Variants in CNTN5 observed in about 807,000 individuals in gnomAD.
The protein encoded by CNTN5 is contactin 5.
CNTN5 carries 77 observed loss-of-function variants against 129.1 expected under a neutral mutation model. The ratio of observed to expected loss-of-function variants is 0.60; its 90% CI spans 0.50 to 0.72. The LOEUF is 0.72. Among genes scored for constraint, CNTN5 ranks in the 30% least tolerant of loss-of-function variants. The probability of loss-of-function intolerance (pLI) is 0.00; values close to 1 mark genes in which losing one functional copy is unlikely to be tolerated. For missense variants in CNTN5, 1,478 were observed against 1,328.8 expected (o/e 1.11, Z -1.75); for synonymous variants, 509 against 465.6 (o/e 1.09, Z -1.20).
In CNTN5 at chr11:99,507,540, G is replaced by A. The variant is rs1946673684; in HGVS notation, c.-70-48605G>A. On this transcript the variant is annotated intron_variant, in intron 2 of 24. Coordinates refer to ENST00000524871, the MANE Select transcript of CNTN5 (RefSeq NM_014361.4). ...TATTGACCAAAAAATGGGTTGTGAT[G>A]TGTAGCTAACAAGACATTGACCTAA... Among the ~76,000 whole-genome samples the A allele has an allele frequency of 2.6e-5, 4 of 152,054 alleles. No homozygotes were observed. The South Asian group carries it at 8.3e-4, about 31-fold the overall frequency.
At chr11:100,012,330 C>T (rs920060880) in intron 9 of CNTN5, among the ~76,000 whole-genome samples, 2 of 152,144 alleles carry the variant, frequency 1.3e-5, no homozygotes, top group Non-Finnish European at 2.9e-5. Flanking sequence ...ACTGAGACTT[C>T]TCAAGGAATG....
chr11:99,356,076 T>G (rs1938642436), intron 2 of CNTN5, among the ~76,000 whole-genome samples: 1 of 152,034 alleles, frequency 6.6e-6, no homozygotes, highest in Non-Finnish European at 1.5e-5. Context: ...TCTACCTGCC[T>G]CAGCCTCCCA....
intron 1 of CNTN5, among the ~76,000 whole-genome samples, chr11:99,322,191 G>GTC (rs1474155453): frequency 6.6e-6 from 1 of 152,080 alleles, no homozygotes; most frequent in Admixed American, 6.6e-5. Context: ...GCCAGACTTG[G>GTC]TCTCTTGTGA....
intron 3 of CNTN5, among the ~76,000 whole-genome samples, chr11:99,717,907 T>C (rs1238298940): frequency 6.6e-6 from 1 of 152,152 alleles, no homozygotes; most frequent in African/African-American, 2.4e-5. Flanking sequence ...TGATTTAAGT[T>C]GCATAGATCC....
chr11:99,752,905 C>CAAGT (rs1449436113), intron 3 of CNTN5, among the ~76,000 whole-genome samples: 4 of 152,098 alleles, frequency 2.6e-5, no homozygotes, highest in Middle Eastern at 3.2e-3. Context: ...ATAGAATATA[C>CAAGT]AAGTGATTAT....
At position 100,004,907 on chromosome 11, in the gene CNTN5, A is replaced by T. The variant is rs554865267; in HGVS notation, c.980+2771A>T. The stretch of plus-strand genomic sequence containing the variant: ...GACTTCTTTTTCCTCTTGCCTTCTC[A>T]TCTCCTCTGGTGGCTCTCATGGCTG... On this transcript the variant is annotated intron_variant, in intron 9 of 24. Transcript: ENST00000524871. 6.5e-4 allele frequency among the ~76,000 whole-genome samples: 99 copies of T among 152,256 alleles called. 1 individual carries two copies. Among genetic ancestry groups the T allele is most frequent in the African/African-American group, 2.2e-3 (93 of 41,556 alleles).
At chr11:99,985,528 G>C (rs1037933165) in intron 8 of CNTN5, among the ~76,000 whole-genome samples, 1 of 152,080 alleles carries the variant, frequency 6.6e-6, no homozygotes, top group Non-Finnish European at 1.5e-5. Flanking sequence ...ACATTCAGTT[G>C]GTAAGAAGGC....
chr11:99,704,415 C>G (rs900419997), intron 3 of CNTN5, among the ~76,000 whole-genome samples: 3 of 150,980 alleles, frequency 2.0e-5, no homozygotes, highest in Non-Finnish European at 3.0e-5. Flanking sequence ...GTTGTGCACT[C>G]TACAACTCAG....
chr11:99,612,925 G>A (rs1291488491), intron 3 of CNTN5, among the ~76,000 whole-genome samples: 1 of 152,182 alleles, frequency 6.6e-6, no homozygotes, highest in Non-Finnish European at 1.5e-5. Flanking sequence ...GGAACTGAGA[G>A]CACTGGACCC....
chr11:100,276,891 C>A (rs1186788061), intron 18 of CNTN5, among the ~76,000 whole-genome samples: 3 of 151,876 alleles, frequency 2.0e-5, no homozygotes. Context: ...GTTATGCTAG[C>A]AAATACTAGG....
chr11:99,896,396 C>T (rs570513166), intron 6 of CNTN5, among the ~76,000 whole-genome samples: 3 of 152,240 alleles, frequency 2.0e-5, no homozygotes, highest in Non-Finnish European at 2.9e-5. Context: ...ACATGCTGCT[C>T]CCAGATTGAG....
intron 7 of CNTN5, among the ~76,000 whole-genome samples, chr11:99,944,090 C>T (rs1476897506): frequency 6.6e-6 from 1 of 151,276 alleles, no homozygotes; most frequent in Non-Finnish European, 1.5e-5. Context: ...TCAATGATAG[C>T]TTGATGGGAA....
chr11:99,825,027 T>G, intron 4 of CNTN5, among the ~76,000 whole-genome samples: 1 of 152,046 alleles, frequency 6.6e-6, no homozygotes, highest in Admixed American at 6.6e-5. Flanking sequence ...ATCAATCTGT[T>G]ACTGTTGTCT....
At chr11:99,096,119 C>G (rs1197072680) in intron 1 of CNTN5, among the ~76,000 whole-genome samples, 1 of 151,744 alleles carries the variant, frequency 6.6e-6, no homozygotes. Flanking sequence ...TGAAAAATAT[C>G]TACTAGTTAA....
Position 100,297,609 on chromosome 11 carries a change from C to A in CNTN5, c.2315-16C>A. 1.3e-6 allele frequency: 2 copies of A among 1,598,220 alleles called. No individual in the cohort carries two copies. The highest frequency in any genetic ancestry group is 2.2e-5 in the East Asian group (1 of 44,452). ...GAGTTTTTTTCTCCTCACTCTCCAC[C>A]CATTTTTATCCACAGTTCCGAAGAC... On this transcript the variant is annotated splice_polypyrimidine_tract_variant and intron_variant, in intron 18 of 24. Coordinates refer to ENST00000524871, the MANE Select transcript of CNTN5 (RefSeq NM_014361.4).
At chr11:99,427,728 T>G (rs1161781428) in intron 2 of CNTN5, among the ~76,000 whole-genome samples, 1 of 124,610 alleles carries the variant, frequency 8.0e-6, no homozygotes, top group Non-Finnish European at 1.5e-5. Context: ...ATCCTGTCAC[T>G]GCACTCCAGC....
intron 13 of CNTN5, among the ~76,000 whole-genome samples, chr11:100,110,716 C>T (rs1945628466): frequency 6.6e-6 from 1 of 152,126 alleles, no homozygotes; most frequent in South Asian, 2.1e-4. Flanking sequence ...AATTAAATGT[C>T]CAATGACAAA....
chr11:99,391,733 A>G (rs534883107), intron 2 of CNTN5, among the ~76,000 whole-genome samples: 41 of 152,028 alleles, frequency 2.7e-4, no homozygotes, highest in Non-Finnish European at 3.8e-4. Flanking sequence ...GTCAGTAAGA[A>G]TTTAGTATAA....
At chr11:100,173,472 A>G (rs1947879017) in intron 13 of CNTN5, among the ~76,000 whole-genome samples, 1 of 152,106 alleles carries the variant, frequency 6.6e-6, no homozygotes, top group Non-Finnish European at 1.5e-5. Context: ...AGAAGTAGAG[A>G]GAGATGACAA....
Sources: allele counts gnomAD v4.1 joint callset (sites outside exome capture counted in the v4.1 genomes callset), GRCh38; gene constraint gnomAD v4.1.1; transcripts MANE v1.5; gene names NCBI Gene and HGNC (gene_info 2026-07-23, HGNC 2026-07-21).